UBE2R2: variants seen among roughly 807,000 people sequenced by gnomAD.
UBE2R2 encodes the protein ubiquitin conjugating enzyme E2 R2, also known as ubiquitin-conjugating enzyme E2 R2.
Under a neutral mutation model 27.8 loss-of-function variants are expected in UBE2R2, and 1 was observed. The observed-to-expected ratio is 0.04, with a 90% confidence interval of 0.01 to 0.17. UBE2R2 has a LOEUF of 0.17. Among genes scored for constraint, UBE2R2 ranks in the 10% least tolerant of loss-of-function variants. UBE2R2 has a pLI of 1.00. For missense variants in UBE2R2, 100 were observed against 291.0 expected (o/e 0.34, Z 4.78); for synonymous variants, 106 against 113.3 (o/e 0.94, Z 0.41).
rs531362791 is a variant in UBE2R2 at position 33,845,810 on chromosome 9, C to G, written c.177+27876C>G. ...ATCATCTGAGGTCAGGAGTTCGAGA[C>G]CAGCCTGGCCAACATGGCGAAACTC... On this transcript the variant is annotated intron_variant, in intron 1 of 4. Coordinates refer to ENST00000263228, the MANE Select transcript of UBE2R2 (RefSeq NM_017811.4). Among the ~76,000 whole-genome samples, 41 of 151,526 alleles carry G rather than the reference C, an allele frequency of 2.7e-4. No individual in the cohort carries two copies. The East Asian group carries it at 8.1e-3, about 30-fold the overall frequency.
intron 1 of UBE2R2, among the ~76,000 whole-genome samples, chr9:33,857,663 A>G (rs1296174122): frequency 6.6e-6 from 1 of 152,202 alleles, no homozygotes; most frequent in Non-Finnish European, 1.5e-5. Context: ...GATAAACTAT[A>G]CTTGAAAGTC....
At chr9:33,829,373 G>A (rs926365135) in intron 1 of UBE2R2, among the ~76,000 whole-genome samples, 3 of 152,102 alleles carry the variant, frequency 2.0e-5, no homozygotes, top group Admixed American at 6.6e-5. Flanking sequence ...GGAGACATTG[G>A]GTACTCAGAA....
upstream of UBE2R2, among the ~76,000 whole-genome samples, chr9:33,815,519 C>G (rs1422641225): frequency 6.6e-6 from 1 of 152,082 alleles, no homozygotes. Flanking sequence ...CTGAGGTGGA[C>G]GGATCACCTG....
Position 33,918,834 on chromosome 9 carries a change from C to G in UBE2R2, c.*1597C>G, listed in dbSNP as rs532377284. On this transcript the variant is annotated 3_prime_UTR_variant, in exon 5 of 5. Transcript: ENST00000263228. Reference sequence around the variant, plus strand: ...GATTAGGGACGGGGCAGGAGGGATCCTAGGATGGCCAGAGTAGGTGACGCT... The same window carrying G: ...GATTAGGGACGGGGCAGGAGGGATCGTAGGATGGCCAGAGTAGGTGACGCT... 1 of 152,568 alleles carries G rather than the reference C, an allele frequency of 6.6e-6. No homozygotes were observed. Among genetic ancestry groups the G allele is most frequent in the East Asian group, 1.9e-4 (1 of 5,182 alleles). 9.5% of individuals were successfully genotyped at this position (152,568 alleles called of 1,614,324 possible).
intron 1 of UBE2R2, among the ~76,000 whole-genome samples, chr9:33,830,021 TC>T (rs1446148816): frequency 6.6e-6 from 1 of 152,036 alleles, no homozygotes; most frequent in Non-Finnish European, 1.5e-5. Flanking sequence ...GGTCTCGAAC[TC>T]CCGACCTCTG....
chr9:33,827,707 A>G (rs959938537), intron 1 of UBE2R2, among the ~76,000 whole-genome samples: 15 of 152,162 alleles, frequency 9.9e-5, no homozygotes, highest in Non-Finnish European at 1.8e-4. Flanking sequence ...GTGGTGACCC[A>G]TGCCTGTAAT....
At position 33,822,160 on chromosome 9, in the gene UBE2R2, C is replaced by T. The variant is rs183939280; in HGVS notation, c.177+4226C>T. On this transcript the variant is annotated intron_variant, in intron 1 of 4. Coordinates refer to ENST00000263228, the MANE Select transcript of UBE2R2 (RefSeq NM_017811.4). ...AGGCTGGAGTGCAGTGGAGCGATCTCGGCTCACTGCAACCTCCGCCTCCTG... is the reference window on the plus strand; with the variant it reads ...AGGCTGGAGTGCAGTGGAGCGATCTTGGCTCACTGCAACCTCCGCCTCCTG... Among the ~76,000 whole-genome samples, 671 of 142,686 alleles carry T rather than the reference C, an allele frequency of 4.7e-3. 1 individual carries two copies. The highest frequency in any genetic ancestry group is 6.8e-3 in the Non-Finnish European group (447 of 65,368). 93.6% of individuals were successfully genotyped at this position (142,686 alleles called of 152,430 possible).
chr9:33,891,406 G>T (rs1017376366), intron 2 of UBE2R2, among the ~76,000 whole-genome samples: 1 of 151,898 alleles, frequency 6.6e-6, no homozygotes, highest in Non-Finnish European at 1.5e-5. Flanking sequence ...AACACTTTGG[G>T]AGGCCGAGGT....
At chr9:33,916,716 C>T (rs2130826666) in intron 4 of UBE2R2, among the ~76,000 whole-genome samples, 1 of 152,334 alleles carries the variant, frequency 6.6e-6, no homozygotes, top group African/African-American at 2.4e-5. Context: ...CCTATTGGCC[C>T]TTACATGAAT....
chr9:33,817,083 G>C (rs1375272701), upstream of UBE2R2, among the ~76,000 whole-genome samples: 3 of 151,826 alleles, frequency 2.0e-5, no homozygotes, highest in Non-Finnish European at 4.4e-5. Context: ...CACGCGCGTC[G>C]GGCCGCCAGC....
At chr9:33,843,419 A>G (rs1252838576) in intron 1 of UBE2R2, among the ~76,000 whole-genome samples, 2 of 152,024 alleles carry the variant, frequency 1.3e-5, no homozygotes, top group Non-Finnish European at 2.9e-5. Context: ...AGTAGAAAAA[A>G]AGGAAAATAC....
chr9:33,849,066 G>C (rs1353710852), intron 1 of UBE2R2, among the ~76,000 whole-genome samples: 1 of 152,022 alleles, frequency 6.6e-6, no homozygotes, highest in Non-Finnish European at 1.5e-5. Context: ...AGACCAGCCT[G>C]ACCAACATGG....
intron 1 of UBE2R2, chr9:33,831,074 C>CAAAAAAAAAAA (rs60428230): frequency 4.5e-5 from 4 of 88,234 alleles, no homozygotes; most frequent in Admixed American, 1.1e-4. Flanking sequence ...ACTGAACTAG[C>CAAAAAAAAAAA]AAAAAAAAAA....
chr9:33,880,228 A>G (rs1821702961), intron 1 of UBE2R2, among the ~76,000 whole-genome samples: 1 of 152,116 alleles, frequency 6.6e-6, no homozygotes, highest in East Asian at 1.9e-4. Context: ...AGCTTATATT[A>G]TTGAAATGAG....
intron 1 of UBE2R2, among the ~76,000 whole-genome samples, chr9:33,833,155 C>A (rs1455559187): frequency 6.6e-6 from 1 of 152,174 alleles, no homozygotes; most frequent in East Asian, 1.9e-4. Flanking sequence ...ACCTCCGCCT[C>A]CTGGGTTCAA....
intron 1 of UBE2R2, among the ~76,000 whole-genome samples, chr9:33,820,237 G>A (rs1413402925): frequency 6.6e-6 from 1 of 152,194 alleles, no homozygotes; most frequent in African/African-American, 2.4e-5. Flanking sequence ...AGGATTCCTT[G>A]TGTTAATACA....
chr9:33,915,213 A>G (rs765198239), intron 4 of UBE2R2, among the ~76,000 whole-genome samples: 2 of 152,124 alleles, frequency 1.3e-5, no homozygotes, highest in Non-Finnish European at 2.9e-5. Flanking sequence ...GAGGGGACAG[A>G]TATAAAAATA....
At chr9:33,846,620 A>G (rs1443380470) in intron 1 of UBE2R2, among the ~76,000 whole-genome samples, 1 of 152,204 alleles carries the variant, frequency 6.6e-6, no homozygotes, top group African/African-American at 2.4e-5. Context: ...TATAGCTACT[A>G]TATCACTGTA....
At chr9:33,839,528 G>A (rs1820687139) in intron 1 of UBE2R2, among the ~76,000 whole-genome samples, 2 of 152,110 alleles carry the variant, frequency 1.3e-5, no homozygotes, top group Admixed American at 6.6e-5. Context: ...GTGAGCCACC[G>A]TGCTGGGCCT....
Sources: allele counts gnomAD v4.1 joint callset (sites outside exome capture counted in the v4.1 genomes callset), GRCh38; gene constraint gnomAD v4.1.1; transcripts MANE v1.5; gene names NCBI Gene and HGNC (gene_info 2026-07-23, HGNC 2026-07-21).